Variants in CLNK observed in about 807,000 individuals in gnomAD.
The protein encoded by CLNK is cytokine dependent hematopoietic cell linker, also known as cytokine-dependent hematopoietic cell linker.
A neutral mutation model predicts 68.6 loss-of-function variants in CLNK; 74 were observed. The observed-to-expected ratio is 1.08, with a 90% CI of 0.89 to 1.31. CLNK has a LOEUF of 1.31. Among genes scored for constraint, CLNK ranks in the 50% most tolerant of loss-of-function variants. The pLI, the probability that CLNK is intolerant of heterozygous loss-of-function variation, is 0.00. For synonymous variants in CLNK, 198 were observed against 172.2 expected, an observed-to-expected ratio of 1.15 and a Z score of -1.17; for missense variants, 553 against 515.3, an observed-to-expected ratio of 1.07 and a Z score of -0.71.
At chr4:10,694,614 A>G in the CLNK span, among the ~76,000 whole-genome samples, 1 of 152,068 alleles carries the variant, frequency 6.6e-6, no homozygotes. Flanking sequence ...GCAGGAGGCT[A>G]TTGTTTCCTA....
Position 10,667,952 on chromosome 4 carries a change from T to C in CLNK, c.-42-41A>G, listed in dbSNP as rs934932423. 4 of 1,154,028 alleles carry C rather than the reference T, an allele frequency of 3.5e-6. No homozygotes were observed. The African/African-American group carries it at 4.7e-5, about 14-fold the overall frequency. 71.5% of individuals were successfully genotyped at this position (1,154,028 alleles called of 1,614,324 possible). On this transcript the variant is annotated intron_variant, in intron 1 of 18. Coordinates refer to ENST00000226951, the MANE Select transcript of CLNK (RefSeq NM_052964.4). ...CAAACGCGTTACTGGAACTTCCACA[T>C]CATGTTTTAATTCTGGGGAACAAGC...
intron 9 of CLNK, 30 bp downstream of exon 9, chr4:10,542,225 T>A: frequency 7.0e-7 from 1 of 1,419,264 alleles, no homozygotes; most frequent in Non-Finnish European, 9.7e-7. Flanking sequence ...AAATAATGAA[T>A]AACAAATGCA....
At chr4:10,532,783 A>T (rs565207001) in intron 11 of CLNK, among the ~76,000 whole-genome samples, 1 of 152,242 alleles carries the variant, frequency 6.6e-6, no homozygotes, top group East Asian at 1.9e-4. Flanking sequence ...ATTGAATGGT[A>T]GAGAAAAAAT....
At chr4:10,501,052 G>A (rs1383520656) in intron 18 of CLNK, among the ~76,000 whole-genome samples, 1 of 152,220 alleles carries the variant, frequency 6.6e-6, no homozygotes, top group African/African-American at 2.4e-5. Flanking sequence ...CAGGGAATGG[G>A]GGTGCATGAA....
intron 2 of CLNK, among the ~76,000 whole-genome samples, chr4:10,637,298 T>A: frequency 6.6e-6 from 1 of 152,178 alleles, no homozygotes; most frequent in East Asian, 1.9e-4. Context: ...CTCAGATGCC[T>A]GTTCCAGATG....
intron 10 of CLNK, among the ~76,000 whole-genome samples, chr4:10,541,080 G>T (rs1453707993): frequency 1.3e-5 from 2 of 151,932 alleles, no homozygotes; most frequent in African/African-American, 2.4e-5. Flanking sequence ...CAGTCATGGT[G>T]GCATGCACCT....
chr4:10,502,314 T>C (rs925001857), intron 17 of CLNK, among the ~76,000 whole-genome samples: 1 of 151,516 alleles, frequency 6.6e-6, no homozygotes, highest in African/African-American at 2.4e-5. Flanking sequence ...GAGAGCAGAG[T>C]GAGGAGTGAA....
intron 3 of CLNK, among the ~76,000 whole-genome samples, chr4:10,586,176 C>T (rs1469503993): frequency 6.6e-6 from 1 of 152,150 alleles, no homozygotes; most frequent in Non-Finnish European, 1.5e-5. Context: ...CCTAACACAC[C>T]ACAGACCAGT....
chr4:10,584,962 C>T lies in CLNK; in HGVS notation c.84-7G>A. On this transcript the variant is annotated splice_region_variant and splice_polypyrimidine_tract_variant and intron_variant, in intron 3 of 18. Transcript: ENST00000226951. ...ATTGATGCGAGGCCATGACCTAGGG[C>T]AGAAAAGAGAACCAAGTTAAATGTC... 1 of 1,613,600 alleles carries T rather than the reference C, an allele frequency of 6.2e-7. No individual in the cohort carries two copies. The highest frequency in any genetic ancestry group is 8.5e-7 in the Non-Finnish European group (1 of 1,179,786).
In CLNK at chr4:10,487,102, T is replaced by C. The variant is rs11722849; in HGVS notation, c.*3365A>G. ...CTGTAATTGGATAAAGCTAAAATTC[T>C]ATTACTCTATTGAAATCAGATATCA... On this transcript the variant is annotated 3_prime_UTR_variant, in exon 19 of 19. Transcript: ENST00000226951. The C allele has an allele frequency of 0.47, 72,004 of 152,124 alleles. 20,100 individuals are homozygous for C. Among genetic ancestry groups the C allele is most frequent in the Non-Finnish European group, 0.64 (43,170 of 67,952 alleles). The allele number at this position is 152,124 out of a possible 1,614,324, so 9.4% of individuals were successfully genotyped here.
the CLNK span, among the ~76,000 whole-genome samples, chr4:10,691,760 A>G: frequency 6.6e-6 from 1 of 152,218 alleles, no homozygotes; most frequent in Admixed American, 6.5e-5. Flanking sequence ...AGGGCCCCAT[A>G]CCATCTGTCC....
the CLNK span, among the ~76,000 whole-genome samples, chr4:10,712,865 CAAGG>C: frequency 6.6e-6 from 1 of 152,162 alleles, no homozygotes; most frequent in Non-Finnish European, 1.5e-5. Context: ...TGGCCCATAC[CAAGG>C]AAAGAGGTGA....
At chr4:10,616,089 C>G (rs1037960802) in intron 2 of CLNK, among the ~76,000 whole-genome samples, 3 of 152,178 alleles carry the variant, frequency 2.0e-5, no homozygotes, top group Non-Finnish European at 4.4e-5. Context: ...AATGAATATA[C>G]AAAATACATG....
intron 1 of CLNK, among the ~76,000 whole-genome samples, chr4:10,678,358 T>A (rs1724954846): frequency 6.6e-6 from 1 of 152,162 alleles, no homozygotes; most frequent in African/African-American, 2.4e-5. Flanking sequence ...CAAGAATAGT[T>A]CCACAGATAA....
chr4:10,688,255 A>T (rs1211731799), upstream of CLNK, among the ~76,000 whole-genome samples: 2 of 151,794 alleles, frequency 1.3e-5, no homozygotes, highest in African/African-American at 4.8e-5. Flanking sequence ...GTGTAGAGCT[A>T]AATCTATGTT....
At chr4:10,718,059 A>G in the CLNK span, among the ~76,000 whole-genome samples, 1 of 152,188 alleles carries the variant, frequency 6.6e-6, no homozygotes, top group African/African-American at 2.4e-5. Context: ...AAGTGAAAAT[A>G]CAATAACCAA....
intron 10 of CLNK, among the ~76,000 whole-genome samples, chr4:10,541,820 A>G (rs2108809039): frequency 6.6e-6 from 1 of 152,272 alleles, no homozygotes; most frequent in East Asian, 1.9e-4. Context: ...TGAATGAATA[A>G]ATGATTAAAT....
chr4:10,674,241 G>A (rs1724781811), intron 1 of CLNK, among the ~76,000 whole-genome samples: 1 of 140,348 alleles, frequency 7.1e-6, no homozygotes, highest in Admixed American at 7.4e-5. Flanking sequence ...GTGGAGCAGT[G>A]TGGAGGTACA....
At chr4:10,545,565 C>T (rs1283155105) in intron 8 of CLNK, among the ~76,000 whole-genome samples, 1 of 152,166 alleles carries the variant, frequency 6.6e-6, no homozygotes, top group Non-Finnish European at 1.5e-5. Context: ...GTCTTGGTGG[C>T]AGGCTCACTC....
Sources: allele counts gnomAD v4.1 joint callset (sites outside exome capture counted in the v4.1 genomes callset), GRCh38; gene constraint gnomAD v4.1.1; transcripts MANE v1.5; gene names NCBI Gene and HGNC (gene_info 2026-07-23, HGNC 2026-07-21).